The following MAGI1 variants were observed in gnomAD, a reference collection of about 807,000 sequenced individuals.
MAGI1 encodes membrane-associated guanylate kinase, WW and PDZ domain-containing protein 1.
In MAGI1, 58 loss-of-function variants were observed where a neutral mutation model predicts 139.9. The observed-to-expected ratio is 0.41, with a 90% CI of 0.34 to 0.52. The LOEUF is 0.52. MAGI1 is among the 20% of genes least tolerant of loss of function. The probability of loss-of-function intolerance (pLI) is 0.12; values close to 1 mark genes in which losing one functional copy is unlikely to be tolerated. For missense variants in MAGI1, 1,874 were observed against 1,901.6 expected (o/e 0.99, Z 0.27); for synonymous variants, 812 against 737.9 (o/e 1.10, Z -1.63).
chr3:65,685,632 T>C (rs766673371), intron 1 of MAGI1, among the ~76,000 whole-genome samples: 5 of 152,208 alleles, frequency 3.3e-5, no homozygotes, highest in Non-Finnish European at 7.3e-5. Context: ...AATAAATACA[T>C]CTTTTGATTC....
At chr3:65,691,506 C>T (rs2088652565) in intron 1 of MAGI1, among the ~76,000 whole-genome samples, 1 of 151,948 alleles carries the variant, frequency 6.6e-6, no homozygotes. Context: ...CCTTCTTTGA[C>T]CACATAACTT....
At chr3:65,912,235 T>G (rs1331155609) in intron 1 of MAGI1, among the ~76,000 whole-genome samples, 1 of 64,212 alleles carries the variant, frequency 1.6e-5, no homozygotes, top group Admixed American at 1.4e-4. Context: ...AACTCTGATC[T>G]CAAAAAAAAA....
At chr3:65,810,463 T>C (rs780841291) in intron 1 of MAGI1, among the ~76,000 whole-genome samples, 2 of 152,226 alleles carry the variant, frequency 1.3e-5, no homozygotes, top group Non-Finnish European at 2.9e-5. Flanking sequence ...CATTACAGTG[T>C]TGATTAGGAA....
At chr3:65,875,645 G>A (rs931369563) in intron 1 of MAGI1, among the ~76,000 whole-genome samples, 1 of 152,114 alleles carries the variant, frequency 6.6e-6, no homozygotes, top group African/African-American at 2.4e-5. Context: ...CTCTGAAAAT[G>A]AAGGACTACA....
chr3:65,761,238 C>T (rs2036999684), intron 1 of MAGI1, among the ~76,000 whole-genome samples: 1 of 152,038 alleles, frequency 6.6e-6, no homozygotes, highest in African/African-American at 2.4e-5. Context: ...TCTCAGACAT[C>T]CCAACTTAAC....
At chr3:65,428,263 T>G (rs1218351789) in intron 12 of MAGI1, among the ~76,000 whole-genome samples, 1 of 152,178 alleles carries the variant, frequency 6.6e-6, no homozygotes, top group Non-Finnish European at 1.5e-5. Flanking sequence ...CAAATCATGG[T>G]AGCAAGGATC....
intron 1 of MAGI1, among the ~76,000 whole-genome samples, chr3:65,965,878 T>A (rs2064714358): frequency 6.6e-6 from 1 of 152,068 alleles, no homozygotes; most frequent in Non-Finnish European, 1.5e-5. Context: ...GGTCTCGAAC[T>A]CTGACCTCAA....
intron 1 of MAGI1, among the ~76,000 whole-genome samples, chr3:65,729,176 T>A (rs376740460): frequency 1.2e-4 from 18 of 145,514 alleles, no homozygotes; most frequent in South Asian, 2.3e-4. Context: ...TCTACAAGTA[T>A]ATTCATATAG....
At chr3:65,752,111 AT>A (rs944178179) in intron 1 of MAGI1, among the ~76,000 whole-genome samples, 246 of 151,546 alleles carry the variant, frequency 1.6e-3, no homozygotes, top group African/African-American at 5.7e-3. Context: ...GCCTGGCTAA[AT>A]TTTTTTTTGT....
intron 2 of MAGI1, among the ~76,000 whole-genome samples, chr3:65,513,142 T>A (rs2077687558): frequency 2.7e-5 from 1 of 36,782 alleles, no homozygotes; most frequent in African/African-American, 9.4e-5. Flanking sequence ...AATTAGGTAT[T>A]GATGGGACGT....
chr3:65,390,457 T>C (rs1375564417), intron 14 of MAGI1, among the ~76,000 whole-genome samples: 1 of 152,166 alleles, frequency 6.6e-6, no homozygotes, highest in East Asian at 1.9e-4. Flanking sequence ...CTTTCATTGG[T>C]AAGATAAATG....
chr3:65,701,450 G>A (rs1276948669), intron 1 of MAGI1, among the ~76,000 whole-genome samples: 2 of 151,996 alleles, frequency 1.3e-5, no homozygotes, highest in Non-Finnish European at 2.9e-5. Flanking sequence ...ACGGGGTTTC[G>A]CCATGTTGGC....
chr3:65,600,762 A>G (rs2082446449), intron 2 of MAGI1, among the ~76,000 whole-genome samples: 1 of 152,238 alleles, frequency 6.6e-6, no homozygotes, highest in Non-Finnish European at 1.5e-5. Flanking sequence ...AAAAAGGCCA[A>G]GAGTTTCTCT....
intron 1 of MAGI1, among the ~76,000 whole-genome samples, chr3:65,770,199 A>G (rs1266695194): frequency 6.6e-6 from 1 of 152,206 alleles, no homozygotes; most frequent in Non-Finnish European, 1.5e-5. Flanking sequence ...GTCAAGGCCT[A>G]TGTGGCCATT....
intron 2 of MAGI1, among the ~76,000 whole-genome samples, chr3:65,498,074 C>T (rs1351571995): frequency 6.6e-6 from 1 of 152,074 alleles, no homozygotes; most frequent in Non-Finnish European, 1.5e-5. Flanking sequence ...GAGGGGACCC[C>T]GCCTTCTCTT....
At chr3:65,867,871 A>G (rs2059784970) in intron 1 of MAGI1, among the ~76,000 whole-genome samples, 1 of 152,128 alleles carries the variant, frequency 6.6e-6, no homozygotes. Context: ...TCCACTCTGC[A>G]CTGGAGACTC....
intron 1 of MAGI1, chr3:65,844,414 C>G (rs2058914342): frequency 2.9e-6 from 1 of 345,190 alleles, no homozygotes; most frequent in South Asian, 2.5e-5. Flanking sequence ...CCAGAAGAAA[C>G]TGAAGAAACA....
intron 1 of MAGI1, among the ~76,000 whole-genome samples, chr3:65,942,690 T>C (rs1265001508): frequency 6.6e-6 from 1 of 152,228 alleles, no homozygotes; most frequent in Non-Finnish European, 1.5e-5. Flanking sequence ...TAGAGGGTTG[T>C]TATGCAGATC....
intron 1 of MAGI1, among the ~76,000 whole-genome samples, chr3:65,711,218 AG>A (rs2031366764): frequency 6.6e-6 from 1 of 152,232 alleles, no homozygotes; most frequent in Non-Finnish European, 1.5e-5. Flanking sequence ...GCAGTCTAGA[AG>A]GGTTGAAATA....
Sources: allele counts gnomAD v4.1 joint callset (sites outside exome capture counted in the v4.1 genomes callset), GRCh38; gene constraint gnomAD v4.1.1; transcripts MANE v1.5; gene names NCBI Gene and HGNC (gene_info 2026-07-23, HGNC 2026-07-21).